Variants in NRG3 observed in about 807,000 individuals in gnomAD.
NRG3 encodes the protein neuregulin 3, also known as pro-neuregulin-3, membrane-bound isoform.
NRG3 carries 31 observed loss-of-function variants against 66.9 expected under a neutral mutation model. The ratio of observed to expected loss-of-function variants is 0.46; its 90% CI spans 0.35 to 0.63. The LOEUF (loss-of-function observed/expected upper bound fraction) is 0.63, where lower values mean the gene tolerates loss of function less well. NRG3 is among the 20% of genes least tolerant of loss of function. The probability of loss-of-function intolerance (pLI) is 0.00; values close to 1 mark genes in which losing one functional copy is unlikely to be tolerated. For missense variants in NRG3, 910 were observed against 878.9 expected (o/e 1.04, Z -0.45); for synonymous variants, 393 against 359.4 (o/e 1.09, Z -1.06).
At chr10:82,196,879 C>T (rs2133417604) in intron 1 of NRG3, among the ~76,000 whole-genome samples, 1 of 152,244 alleles carries the variant, frequency 6.6e-6, no homozygotes, top group Non-Finnish European at 1.5e-5. Context: ...GGTAGAAAGC[C>T]TCTTAGGAAT....
At chr10:82,869,822 A>T (rs1178966014) in intron 4 of NRG3, among the ~76,000 whole-genome samples, 1 of 151,528 alleles carries the variant, frequency 6.6e-6, no homozygotes, top group African/African-American at 2.4e-5. Flanking sequence ...GTTAGCCCGG[A>T]TGGTCTCGAT....
At chr10:82,132,505 C>CATATATATATATCAT (rs367993461) in intron 1 of NRG3, among the ~76,000 whole-genome samples, 2 of 60,344 alleles carry the variant, frequency 3.3e-5, no homozygotes, top group African/African-American at 9.6e-5. Flanking sequence ...ATATATATAT[C>CATATATATATATCAT]ATATATATAT....
At chr10:82,886,156 G>A (rs188085320) in intron 4 of NRG3, among the ~76,000 whole-genome samples, 1 of 152,312 alleles carries the variant, frequency 6.6e-6, no homozygotes, top group East Asian at 1.9e-4. Flanking sequence ...GTGAGCCACA[G>A]GGCCCGGCCT....
At chr10:82,727,807 C>T (rs959844220) in intron 2 of NRG3, among the ~76,000 whole-genome samples, 3 of 152,136 alleles carry the variant, frequency 2.0e-5, no homozygotes, top group East Asian at 3.9e-4. Flanking sequence ...CAATGGCAGC[C>T]CAAGAAAACA....
chr10:82,217,414 A>G (rs2075741899), intron 1 of NRG3, among the ~76,000 whole-genome samples: 2 of 152,160 alleles, frequency 1.3e-5, no homozygotes, highest in African/African-American at 4.8e-5. Flanking sequence ...GCTCCCTCCC[A>G]GACTTTCTAA....
chr10:82,774,814 C>CTGTT, intron 3 of NRG3, among the ~76,000 whole-genome samples: 1 of 112,060 alleles, frequency 8.9e-6, no homozygotes, highest in Non-Finnish European at 1.8e-5. Flanking sequence ...TTTCCTTTTT[C>CTGTT]TTTTTTCTTT....
intron 1 of NRG3, among the ~76,000 whole-genome samples, chr10:82,346,070 T>A (rs1405886883): frequency 6.7e-6 from 1 of 150,092 alleles, no homozygotes; most frequent in South Asian, 2.1e-4. Context: ...TTCTCCTGCC[T>A]AATTGCCCTG....
At chr10:82,300,990 G>GA (rs1212354152) in intron 1 of NRG3, among the ~76,000 whole-genome samples, 1 of 151,344 alleles carries the variant, frequency 6.6e-6, no homozygotes, top group African/African-American at 2.4e-5. Flanking sequence ...AGAAGAAGAA[G>GA]AAAAAAAGAA....
rs550794105 is a variant in NRG3 at position 82,137,580 on chromosome 10, A to T, written c.824-221159A>T. 7.6e-4 allele frequency among the ~76,000 whole-genome samples: 116 copies of T among 152,336 alleles called. 7 individuals are homozygous for T. The highest frequency in any genetic ancestry group is 3.4e-3 in the Middle Eastern group (1 of 294). ...TGATCAGTTATTTAGACACATTCGT[A>T]AACAGATCAGATTATTGATCCATAG... On this transcript the variant is annotated intron_variant, in intron 1 of 8. Transcript: ENST00000372141.
At chr10:82,775,779 A>T (rs2059891185) in intron 3 of NRG3, among the ~76,000 whole-genome samples, 1 of 152,078 alleles carries the variant, frequency 6.6e-6, no homozygotes, top group Non-Finnish European at 1.5e-5. Flanking sequence ...TTATCTATTT[A>T]TTATTTTATG....
At chr10:82,163,304 T>C (rs1180771146) in intron 1 of NRG3, among the ~76,000 whole-genome samples, 2 of 152,208 alleles carry the variant, frequency 1.3e-5, no homozygotes, top group African/African-American at 4.8e-5. Flanking sequence ...CTCTTTACTT[T>C]GCACCTTAAG....
chr10:82,378,791 A>G (rs997404593), intron 2 of NRG3, among the ~76,000 whole-genome samples: 10 of 151,882 alleles, frequency 6.6e-5, no homozygotes, highest in African/African-American at 2.4e-4. Flanking sequence ...GGCTGGTCTC[A>G]AACTCCAGAC....
At position 82,985,296 on chromosome 10, in the gene NRG3, A is replaced by C; in HGVS notation, c.1782A>C (p.Glu594Asp). The change falls in exon 9 of 9, where the codon GAA (glutamate) becomes GAC (aspartate). Residue 594 changes from glutamate (E) to aspartate (D), a missense_variant. Coordinates refer to ENST00000372141, the MANE Select transcript of NRG3 (RefSeq NM_001010848.4). ...GCCTGCAAATGCCAGGGATTTCTGA[A>C]GTCAAAAGCATCAAATGGTGCAAAA... ...ETCLQMPGIS[E>D]VKSIKWCKNS... is the part of the protein sequence containing the mutation. The C allele has an allele frequency of 6.2e-7, 1 of 1,614,166 alleles. No individual in the cohort carries two copies. Among genetic ancestry groups the C allele is most frequent in the Non-Finnish European group, 8.5e-7 (1 of 1,180,016 alleles).
chr10:82,056,875 C>CT (rs2063870246), intron 1 of NRG3, among the ~76,000 whole-genome samples: 1 of 151,994 alleles, frequency 6.6e-6, no homozygotes, highest in South Asian at 2.1e-4. Context: ...TTGTGGATGA[C>CT]TTTTTTTCCC....
chr10:82,698,960 A>T (rs1222128559), intron 2 of NRG3, among the ~76,000 whole-genome samples: 1 of 152,166 alleles, frequency 6.6e-6, no homozygotes, highest in South Asian at 2.1e-4. Context: ...TGTTGGTCTC[A>T]TTGATATTTC....
intron 1 of NRG3, among the ~76,000 whole-genome samples, chr10:82,014,267 T>G (rs1305174830): frequency 6.6e-6 from 1 of 152,162 alleles, no homozygotes; most frequent in Non-Finnish European, 1.5e-5. Context: ...GCATGTAAAC[T>G]CCTCAACATT....
chr10:82,022,931 TTA>T (rs1046962992), intron 1 of NRG3, among the ~76,000 whole-genome samples: 2 of 150,816 alleles, frequency 1.3e-5, no homozygotes, highest in South Asian at 4.2e-4. Context: ...TATATAAAAA[TTA>T]TATATATATT....
At chr10:82,712,014 T>G (rs946731144) in intron 2 of NRG3, among the ~76,000 whole-genome samples, 2 of 152,254 alleles carry the variant, frequency 1.3e-5, no homozygotes, top group African/African-American at 4.8e-5. Context: ...TCCATATTTC[T>G]CCATTTATAG....
intron 3 of NRG3, among the ~76,000 whole-genome samples, chr10:82,771,729 A>G (rs186963354): frequency 2.0e-5 from 3 of 152,256 alleles, no homozygotes; most frequent in Admixed American, 6.5e-5. Context: ...ATGAATCACT[A>G]TGTTATAACA....
Sources: allele counts gnomAD v4.1 joint callset (sites outside exome capture counted in the v4.1 genomes callset), GRCh38; gene constraint gnomAD v4.1.1; transcripts MANE v1.5; gene names NCBI Gene and HGNC (gene_info 2026-07-23, HGNC 2026-07-21).